Variants in SLC15A5 observed in about 807,000 individuals in gnomAD.
SLC15A5 encodes Peptide/histidine transporter ENSP00000340402.
A neutral mutation model predicts 56.1 loss-of-function variants in SLC15A5; 58 were observed. That is an observed-to-expected ratio of 1.03 (90% CI 0.84 to 1.29). SLC15A5 has a LOEUF of 1.29. SLC15A5 is among the 50% of genes most tolerant of loss of function. The probability of loss-of-function intolerance (pLI) is 0.00; values close to 1 mark genes in which losing one functional copy is unlikely to be tolerated. For synonymous variants in SLC15A5, 264 were observed against 250.5 expected (o/e 1.05, Z -0.51); for missense variants, 681 against 672.1 (o/e 1.01, Z -0.15).
rs1168074082 is a variant in SLC15A5, at chr12:16,235,314, ATATATG to A, written c.1162+4361_1162+4366del. Among the ~76,000 whole-genome samples, 4 of 149,326 alleles carry A rather than the reference ATATATG, an allele frequency of 2.7e-5. No individual in the cohort carries two copies. Among genetic ancestry groups the A allele is most frequent in the Non-Finnish European group, 5.9e-5 (4 of 67,440 alleles). On this transcript the variant is annotated intron_variant, in intron 5 of 8. Coordinates refer to ENST00000344941, the MANE Select transcript of SLC15A5 (RefSeq NM_001170798.1). The surrounding 1 kb of genome is among the most constrained non-coding windows in gnomAD (Gnocchi z 4.1). ...TGTATATGTATATGTATATATATGT[ATATATG>A]TATATGTATATGTACATATATATGA...
chr12:16,246,673 G>C (rs917206120), intron 3 of SLC15A5, among the ~76,000 whole-genome samples: 6 of 152,052 alleles, frequency 3.9e-5, no homozygotes, highest in African/African-American at 1.4e-4. Flanking sequence ...ATTTTCCCCA[G>C]TTTCCCCCCA....
intron 7 of SLC15A5, among the ~76,000 whole-genome samples, chr12:16,202,139 A>G (rs567856740): frequency 6.6e-6 from 1 of 152,296 alleles, no homozygotes; most frequent in African/African-American, 2.4e-5. Flanking sequence ...TGCACAGCAA[A>G]GGAAATAACA....
At chr12:16,218,525 C>T (rs781597953) in intron 6 of SLC15A5, among the ~76,000 whole-genome samples, 6 of 152,130 alleles carry the variant, frequency 3.9e-5, no homozygotes, top group Non-Finnish European at 7.4e-5. Flanking sequence ...GCCTACTACA[C>T]ACCTAGGCTA....
intron 2 of SLC15A5, among the ~76,000 whole-genome samples, chr12:16,265,808 ACT>A (rs1180548997): frequency 6.6e-6 from 1 of 152,042 alleles, no homozygotes; most frequent in Non-Finnish European, 1.5e-5. Context: ...TAAAGAAAAT[ACT>A]CTTTCTTCAA....
At chr12:16,239,146 A>C (rs183606637) in intron 5 of SLC15A5, among the ~76,000 whole-genome samples, 1 of 152,288 alleles carries the variant, frequency 6.6e-6, no homozygotes, top group African/African-American at 2.4e-5. Flanking sequence ...GGAGAATATG[A>C]TCAGAATGGA....
intron 7 of SLC15A5, among the ~76,000 whole-genome samples, chr12:16,202,700 A>G (rs897553984): frequency 1.3e-5 from 2 of 152,176 alleles, no homozygotes; most frequent in African/African-American, 4.8e-5. Flanking sequence ...AATAGCTAAG[A>G]TATGAACACA....
intron 8 of SLC15A5, among the ~76,000 whole-genome samples, chr12:16,192,080 C>T (rs1863842818): frequency 6.6e-6 from 1 of 152,032 alleles, no homozygotes; most frequent in South Asian, 2.1e-4. Flanking sequence ...GTTGTGTGAA[C>T]TTGGTCAGTT....
intron 3 of SLC15A5, among the ~76,000 whole-genome samples, chr12:16,255,319 A>T (rs60517857): frequency 1.3e-5 from 2 of 152,250 alleles, no homozygotes; most frequent in East Asian, 3.9e-4. Flanking sequence ...AAGAAATTCA[A>T]AATGCTCTAA....
intron 2 of SLC15A5, among the ~76,000 whole-genome samples, chr12:16,267,827 C>T (rs1864711996): frequency 1.0e-5 from 1 of 100,454 alleles, no homozygotes; most frequent in Non-Finnish European, 2.0e-5. Context: ...TAATCTCAGC[C>T]TCCTGAGCTC....
chr12:16,274,174 T>C (rs1681292876), intron 1 of SLC15A5, among the ~76,000 whole-genome samples: 1 of 152,022 alleles, frequency 6.6e-6, no homozygotes, highest in Non-Finnish European at 1.5e-5. Flanking sequence ...ACATAAGTTT[T>C]GTGCACATCT....
At position 16,194,456 on chromosome 12, in the gene SLC15A5, G is replaced by A. The variant is rs373704559; in HGVS notation, c.1484-3C>T. 67 of 1,516,684 alleles carry A rather than the reference G, an allele frequency of 4.4e-5. No homozygotes were observed. Among genetic ancestry groups the A allele is most frequent in the African/African-American group, 4.3e-4 (31 of 72,634 alleles). The allele number at this position is 1,516,684 out of a possible 1,614,324, so 94.0% of individuals were successfully genotyped here. On this transcript the variant is annotated splice_polypyrimidine_tract_variant and splice_region_variant and intron_variant, in intron 7 of 8. Transcript: ENST00000344941. ...TAATGTGTTTGGAAACCAATTGCCT[G>A]TTTGGAACAAATGTAATTGTTATTC...
intron 7 of SLC15A5, among the ~76,000 whole-genome samples, chr12:16,199,538 C>G (rs1485403172): frequency 6.6e-6 from 1 of 152,014 alleles, no homozygotes. Context: ...TCCCATTCAT[C>G]CTTCCGTATC....
chr12:16,205,538 A>G, intron 7 of SLC15A5, among the ~76,000 whole-genome samples: 1 of 1,204 alleles, frequency 8.3e-4, no homozygotes, highest in African/African-American at 9.2e-4. Flanking sequence ...AGGTGCATAT[A>G]TATATATGTA....
rs113836563 is a variant in SLC15A5 at position 16,202,355 on chromosome 12, A to G, written c.1484-7902T>C. ...CAACAGGTATATAAAAAACTTTTCAATATCAATGATCATCAGGGAAATGCA... is the reference window on the plus strand; with the variant it reads ...CAACAGGTATATAAAAAACTTTTCAGTATCAATGATCATCAGGGAAATGCA... On this transcript the variant is annotated intron_variant, in intron 7 of 8. Coordinates refer to ENST00000344941, the MANE Select transcript of SLC15A5 (RefSeq NM_001170798.1). Among the ~76,000 whole-genome samples, 446 of 152,308 alleles carry G rather than the reference A, an allele frequency of 2.9e-3. 2 individuals carry two copies. The highest frequency in any genetic ancestry group is 9.6e-3 in the African/African-American group (400 of 41,588).
chr12:16,200,021 C>T (rs971394582), intron 7 of SLC15A5, among the ~76,000 whole-genome samples: 10 of 151,934 alleles, frequency 6.6e-5, no homozygotes, highest in African/African-American at 1.2e-4. Context: ...AAAATATCCA[C>T]ATACACTCTC....
intron 3 of SLC15A5, among the ~76,000 whole-genome samples, chr12:16,249,565 A>G (rs965855932): frequency 2.0e-5 from 3 of 152,094 alleles, no homozygotes; most frequent in African/African-American, 7.2e-5. Flanking sequence ...TTTCTTGTTA[A>G]CATCCAAAAA....
At chr12:16,212,525 A>AC (rs942902156) in intron 7 of SLC15A5, among the ~76,000 whole-genome samples, 375 of 2,254 alleles carry the variant, frequency 0.17, 3 homozygotes, top group Middle Eastern at 0.5. Flanking sequence ...TTTCCAGAAA[A>AC]ACGTGAAAAG....
At chr12:16,263,669 G>A (rs1269679093) in intron 2 of SLC15A5, among the ~76,000 whole-genome samples, 1 of 152,128 alleles carries the variant, frequency 6.6e-6, no homozygotes, top group Admixed American at 6.5e-5. Flanking sequence ...AAATGGTTTT[G>A]TGGGCCAGGC....
intron 3 of SLC15A5, among the ~76,000 whole-genome samples, chr12:16,250,429 C>T (rs139782386): frequency 1.3e-5 from 2 of 152,024 alleles, no homozygotes; most frequent in African/African-American, 4.8e-5. Context: ...TTGGTGAATG[C>T]GCTTCATTTT....
Sources: allele counts gnomAD v4.1 joint callset (sites outside exome capture counted in the v4.1 genomes callset), GRCh38; gene constraint gnomAD v4.1.1; non-coding constraint Gnocchi (gnomAD v3.1); transcripts MANE v1.5; gene names NCBI Gene and HGNC (gene_info 2026-07-23, HGNC 2026-07-21).